RTL4: variants seen among roughly 807,000 people sequenced by gnomAD.
RTL4 encodes the protein retrotransposon Gag-like protein 4.
In RTL4, 4 loss-of-function variants were observed where a neutral mutation model predicts 5.3. That is an observed-to-expected ratio of 0.75 (90% confidence interval 0.37 to 1.72). RTL4 has a LOEUF of 1.72. RTL4 is among the 40% of genes most tolerant of loss of function. RTL4 has a pLI of 0.04. For missense variants in RTL4, 260 were observed against 227.1 expected (o/e 1.14, Z -0.93); for synonymous variants, 98 against 87.3 (o/e 1.12, Z -0.68).
chrX:112,328,991 T>A, the RTL4 span, among the ~76,000 whole-genome samples: 1 of 111,620 alleles, frequency 9.0e-6, no homozygotes, highest in South Asian at 3.8e-4. Context: ...CCAGAATCTC[T>A]GGGATGCATT....
chrX:112,410,165 A>G, the RTL4 span, among the ~76,000 whole-genome samples: 2 of 112,329 alleles, frequency 1.8e-5, no homozygotes, highest in Non-Finnish European at 3.8e-5. Context: ...GGGTCGATTC[A>G]GCAAGAGGAT....
At chrX:112,121,699 T>G in the RTL4 span, among the ~76,000 whole-genome samples, 1 of 111,703 alleles carries the variant, frequency 9.0e-6, no homozygotes, top group Non-Finnish European at 1.9e-5. Context: ...TATTAACAAA[T>G]TGATTTCAGT....
the RTL4 span, among the ~76,000 whole-genome samples, chrX:112,249,691 C>T: frequency 9.2e-6 from 1 of 108,956 alleles, no homozygotes; most frequent in Non-Finnish European, 1.9e-5. Context: ...CAGATTAGGA[C>T]TGAAACAATA....
chrX:112,235,845 T>C, the RTL4 span, among the ~76,000 whole-genome samples: 1 of 111,399 alleles, frequency 9.0e-6, no homozygotes, highest in Non-Finnish European at 1.9e-5. Context: ...TGGGAAATAG[T>C]ATCATGAGTA....
At chrX:112,454,767 A>T in exon 1 of RTL4, 1 of 1,203,713 alleles carries the variant, frequency 8.3e-7, no homozygotes, top group Non-Finnish European at 1.1e-6. Context: ...CCATGCAGGT[A>T]GAGCCTTCCT....
At chrX:112,334,462 A>G in the RTL4 span, among the ~76,000 whole-genome samples, 1 of 111,737 alleles carries the variant, frequency 8.9e-6, no homozygotes, top group Non-Finnish European at 1.9e-5. Context: ...CCAGCATTCA[A>G]CGAGCATTTT....
At chrX:112,343,835 A>G in the RTL4 span, among the ~76,000 whole-genome samples, 2 of 111,671 alleles carry the variant, frequency 1.8e-5, 1 homozygote, top group Non-Finnish European at 3.8e-5. Flanking sequence ...TGTTTTATAT[A>G]CAAACCTTTC....
At chrX:112,129,010 C>T in the RTL4 span, among the ~76,000 whole-genome samples, 1 of 111,145 alleles carries the variant, frequency 9.0e-6, no homozygotes, top group Non-Finnish European at 1.9e-5. Flanking sequence ...AAACAATCCA[C>T]TTAAATGTAG....
chrX:112,291,724 G>A, the RTL4 span, among the ~76,000 whole-genome samples: 2 of 110,556 alleles, frequency 1.8e-5, no homozygotes, highest in Non-Finnish European at 1.9e-5. Context: ...AGCCTCCCGA[G>A]TAGCTGGGAC....
At chrX:112,093,658 A>G in the RTL4 span, among the ~76,000 whole-genome samples, 1 of 112,041 alleles carries the variant, frequency 8.9e-6, no homozygotes, top group African/African-American at 3.2e-5. Flanking sequence ...TAATTTAAAT[A>G]CTGTATGATA....
the RTL4 span, among the ~76,000 whole-genome samples, chrX:112,242,538 A>G: frequency 2.7e-5 from 3 of 111,955 alleles, no homozygotes; most frequent in African/African-American, 9.8e-5. Context: ...ATTTTTGCAC[A>G]TTGATTTTGT....
At chrX:112,330,364 C>T in the RTL4 span, among the ~76,000 whole-genome samples, 6 of 80,805 alleles carry the variant, frequency 7.4e-5, no homozygotes, top group African/African-American at 4.1e-4. Context: ...TATACACCAA[C>T]AACAGACAGA....
the RTL4 span, among the ~76,000 whole-genome samples, chrX:112,353,001 C>A: frequency 5.4e-5 from 6 of 111,610 alleles, no homozygotes; most frequent in African/African-American, 2.0e-4. Flanking sequence ...AAACAAACAA[C>A]CCCATCAAAA....
chrX:112,183,112 C>T, the RTL4 span, among the ~76,000 whole-genome samples: 1 of 112,098 alleles, frequency 8.9e-6, no homozygotes, highest in Non-Finnish European at 1.9e-5. Flanking sequence ...CAAGCAAATG[C>T]TGAGATATTT....
rs1370321012 is a variant in RTL4, at chrX:112,455,369, AG to A, written c.642del (p.Gln214HisfsTer25). 1 of 1,211,818 alleles carries A rather than the reference AG, an allele frequency of 8.3e-7. No homozygotes were observed. Among genetic ancestry groups the A allele is most frequent in the South Asian group, 1.8e-5 (1 of 56,978 alleles). ...CCAGACCTGATCACTCAGTGCATTC[AG>A]TTGGACAAGAAACATAGTGACAGGC... On this transcript the variant is annotated frameshift_variant, in exon 1 of 1. Coordinates refer to ENST00000340433, the Ensembl canonical transcript of RTL4. LOFTEE classifies it high-confidence loss of function.
chrX:112,229,932 C>T, the RTL4 span, among the ~76,000 whole-genome samples: 11 of 112,202 alleles, frequency 9.8e-5, no homozygotes, highest in Middle Eastern at 4.6e-3. Flanking sequence ...GGTGTCAGTC[C>T]GCCCCTACTG....
At chrX:112,406,089 C>T in the RTL4 span, among the ~76,000 whole-genome samples, 50 of 111,509 alleles carry the variant, frequency 4.5e-4, no homozygotes, top group South Asian at 1.2e-3. Flanking sequence ...GTTCCTGTAA[C>T]ACTTGCCACC....
the RTL4 span, among the ~76,000 whole-genome samples, chrX:112,235,257 A>G: frequency 8.9e-6 from 1 of 111,887 alleles, no homozygotes; most frequent in Non-Finnish European, 1.9e-5. Context: ...TAGCTACCCT[A>G]GGCCAAAATA....
chrX:112,402,525 G>A, the RTL4 span, among the ~76,000 whole-genome samples: 1 of 109,120 alleles, frequency 9.2e-6, no homozygotes, highest in African/African-American at 3.3e-5. Flanking sequence ...TCTGACCACT[G>A]CTCATTCCTA....
Sources: gnomAD v4.1 joint callset for allele counts (sites outside exome capture counted in the v4.1 genomes callset) on GRCh38, gnomAD v4.1.1 for gene constraint, MANE v1.5 for transcripts, NCBI Gene and HGNC (gene_info 2026-07-23, HGNC 2026-07-21) for gene names.